The following ADGRL3 variants were observed in gnomAD, a reference collection of about 807,000 sequenced individuals.
ADGRL3 encodes the protein calcium-independent alpha-latrotoxin receptor 3.
ADGRL3 carries 62 observed loss-of-function variants against 153.5 expected under a neutral mutation model. The ratio of observed to expected loss-of-function variants is 0.40; its 90% CI spans 0.33 to 0.50. ADGRL3 has a LOEUF of 0.50. ADGRL3 is among the 20% of genes least tolerant of loss of function. The probability of loss-of-function intolerance (pLI) is 0.47; values close to 1 mark genes in which losing one functional copy is unlikely to be tolerated. For synonymous variants in ADGRL3, 710 were observed against 672.5 expected, an observed-to-expected ratio of 1.06 and a Z score of -0.86; for missense variants, 1,641 against 1,859.4, an observed-to-expected ratio of 0.88 and a Z score of 2.16.
intron 8 of ADGRL3, among the ~76,000 whole-genome samples, chr4:61,734,807 T>A (rs1256635974): frequency 1.3e-5 from 2 of 152,240 alleles, no homozygotes; most frequent in Non-Finnish European, 2.9e-5. Context: ...TTTTTGCCGT[T>A]CAGCTGTAAA....
chr4:61,399,652 T>C (rs2096907442), intron 2 of ADGRL3, among the ~76,000 whole-genome samples: 1 of 151,662 alleles, frequency 6.6e-6, no homozygotes, highest in African/African-American at 2.4e-5. Context: ...CTAGTACTGG[T>C]TCTACTGCAA....
At chr4:61,232,129 A>G (rs575113787) in intron 1 of ADGRL3, among the ~76,000 whole-genome samples, 1 of 152,124 alleles carries the variant, frequency 6.6e-6, no homozygotes, top group African/African-American at 2.4e-5. Context: ...AAATGTTTTG[A>G]TGCATATGAA....
At chr4:61,844,766 T>A (rs1463589394) in intron 9 of ADGRL3, among the ~76,000 whole-genome samples, 1 of 151,544 alleles carries the variant, frequency 6.6e-6, no homozygotes, top group Non-Finnish European at 1.5e-5. Context: ...CATCTTTTCT[T>A]TGTCTTTTTC....
At chr4:61,323,339 G>C (rs1001477618) in intron 1 of ADGRL3, among the ~76,000 whole-genome samples, 3 of 152,098 alleles carry the variant, frequency 2.0e-5, no homozygotes, top group Admixed American at 6.6e-5. Context: ...ATTAACATTC[G>C]GCTCCTCGTT....
At chr4:61,514,763 C>T (rs2098482675) in intron 3 of ADGRL3, among the ~76,000 whole-genome samples, 1 of 152,130 alleles carries the variant, frequency 6.6e-6, no homozygotes, top group Admixed American at 6.5e-5. Context: ...AGTCTTACTC[C>T]ATGAAATCGT....
intron 4 of ADGRL3, among the ~76,000 whole-genome samples, chr4:61,554,545 T>G (rs2098756643): frequency 6.6e-6 from 1 of 152,120 alleles, no homozygotes; most frequent in Non-Finnish European, 1.5e-5. Context: ...CCTGCTTTCT[T>G]ACCACTATCT....
chr4:61,366,525 C>T (rs189617726), intron 1 of ADGRL3, among the ~76,000 whole-genome samples: 14 of 152,244 alleles, frequency 9.2e-5, no homozygotes, highest in Admixed American at 9.2e-4. Context: ...ATCCATTTTG[C>T]CTTCATCACT....
chr4:61,851,211 A>T (rs778159114), intron 9 of ADGRL3, among the ~76,000 whole-genome samples: 18 of 152,162 alleles, frequency 1.2e-4, no homozygotes, highest in Non-Finnish European at 2.5e-4. Context: ...TTCAGTAGTA[A>T]CATAAGTGAG....
chr4:61,798,208 G>A (rs931878059), intron 8 of ADGRL3, among the ~76,000 whole-genome samples: 3 of 151,988 alleles, frequency 2.0e-5, no homozygotes, highest in South Asian at 2.1e-4. Flanking sequence ...AAGGGGTAAC[G>A]AGCAACAATT....
At chr4:61,363,341 T>TA (rs1379014070) in intron 1 of ADGRL3, among the ~76,000 whole-genome samples, 4 of 149,496 alleles carry the variant, frequency 2.7e-5, no homozygotes, top group Non-Finnish European at 6.0e-5. Context: ...AGCCGGTAAT[T>TA]TTTTTTTTTT....
chr4:61,642,070 C>T (rs930463732), intron 5 of ADGRL3, among the ~76,000 whole-genome samples: 3 of 149,244 alleles, frequency 2.0e-5, no homozygotes, highest in African/African-American at 4.9e-5. Context: ...TGTTTTTTGG[C>T]TGCATAAATG....
chr4:61,871,138 T>C (rs374922582), intron 9 of ADGRL3, among the ~76,000 whole-genome samples: 11 of 151,772 alleles, frequency 7.2e-5, no homozygotes, highest in South Asian at 2.1e-4. Context: ...ATTAGCCAGG[T>C]GTGGTGGCGA....
At chr4:61,541,054 C>G (rs893005484) in intron 4 of ADGRL3, among the ~76,000 whole-genome samples, 2 of 152,152 alleles carry the variant, frequency 1.3e-5, no homozygotes, top group Non-Finnish European at 2.9e-5. Flanking sequence ...CAGTAGGACA[C>G]TGTTATCAGA....
chr4:61,443,435 AG>A (rs2152480645), intron 2 of ADGRL3, among the ~76,000 whole-genome samples: 1 of 152,310 alleles, frequency 6.6e-6, no homozygotes, highest in Admixed American at 6.5e-5. Flanking sequence ...AAAGTTAAAA[AG>A]TAAATAATGA....
chr4:61,871,023 A>G (rs994798088), intron 9 of ADGRL3, among the ~76,000 whole-genome samples: 2 of 152,194 alleles, frequency 1.3e-5, no homozygotes, highest in Non-Finnish European at 2.9e-5. Flanking sequence ...TCATGCCTGT[A>G]ATCCCAGCTC....
intron 4 of ADGRL3, among the ~76,000 whole-genome samples, chr4:61,518,575 G>C (rs2098511340): frequency 6.6e-6 from 1 of 152,206 alleles, no homozygotes; most frequent in South Asian, 2.1e-4. Flanking sequence ...AGAGTTAAAT[G>C]TAATTCTTCA....
At chr4:61,270,081 A>G (rs1190516587) in intron 1 of ADGRL3, among the ~76,000 whole-genome samples, 1 of 151,774 alleles carries the variant, frequency 6.6e-6, no homozygotes, top group East Asian at 1.9e-4. Flanking sequence ...ATTAATAGAC[A>G]TACTGATTTG....
intron 17 of ADGRL3, among the ~76,000 whole-genome samples, chr4:61,974,539 A>G (rs927633398): frequency 6.6e-5 from 10 of 152,168 alleles, no homozygotes; most frequent in Non-Finnish European, 4.4e-5. Context: ...GTAAAGAAAT[A>G]TTCACTTTCT....
chr4:61,703,631 T>A (rs1170935881), intron 6 of ADGRL3, among the ~76,000 whole-genome samples: 2 of 152,104 alleles, frequency 1.3e-5, no homozygotes, highest in Non-Finnish European at 2.9e-5. Context: ...GATTCATTTA[T>A]AAGAGATAGG....
Sources: allele counts gnomAD v4.1 joint callset (sites outside exome capture counted in the v4.1 genomes callset), GRCh38; gene constraint gnomAD v4.1.1; transcripts MANE v1.5; gene names NCBI Gene and HGNC (gene_info 2026-07-23, HGNC 2026-07-21).